The following PHF24 variants were observed in gnomAD, a reference collection of about 807,000 sequenced individuals.
PHF24 encodes the protein PHD finger protein 24, also known as Galpha inhibitory interacting protein.
In PHF24, 25 loss-of-function variants were observed where a neutral mutation model predicts 42.6. That is an observed-to-expected ratio of 0.59 (90% CI 0.43 to 0.82). The LOEUF (loss-of-function observed/expected upper bound fraction) is 0.82, where lower values mean the gene tolerates loss of function less well. PHF24 is among the 40% of genes least tolerant of loss of function. The pLI, the probability that PHF24 is intolerant of heterozygous loss-of-function variation, is 0.00. For missense variants in PHF24, 470 were observed against 538.1 expected (o/e 0.87, Z 1.25); for synonymous variants, 185 against 204.8 (o/e 0.90, Z 0.83).
the PHF24 span, among the ~76,000 whole-genome samples, chr9:34,875,714 A>G: frequency 6.6e-6 from 1 of 152,040 alleles, no homozygotes; most frequent in South Asian, 2.1e-4. Context: ...GCAGTGAAGG[A>G]TTGTGTTCAG....
chr9:34,981,734 TTC>T (rs1587487555), exon 8 of PHF24: 2 of 148,216 alleles, frequency 1.3e-5, no homozygotes, highest in South Asian at 4.2e-4. Flanking sequence ...AATTCCTATT[TTC>T]TTTTTTTTTT....
chr9:34,960,392 T>C (rs559257330), intron 1 of PHF24, among the ~76,000 whole-genome samples: 1 of 152,308 alleles, frequency 6.6e-6, no homozygotes, highest in South Asian at 2.1e-4. Flanking sequence ...TTTTTTTCTT[T>C]TAACTCAGTG....
chr9:34,901,617 G>T, the PHF24 span, among the ~76,000 whole-genome samples: 2 of 152,070 alleles, frequency 1.3e-5, no homozygotes, highest in African/African-American at 4.8e-5. Context: ...AAAAATAGGG[G>T]GTCGGGCGTG....
At chr9:34,707,346 C>T in the PHF24 span, among the ~76,000 whole-genome samples, 2 of 152,182 alleles carry the variant, frequency 1.3e-5, no homozygotes, top group East Asian at 3.8e-4. Context: ...TAGGAGGCCT[C>T]CCTTGGGCCT....
the PHF24 span, among the ~76,000 whole-genome samples, chr9:34,847,848 A>G: frequency 0.27 from 40,744 of 152,038 alleles, 6,802 homozygotes; most frequent in East Asian, 0.54. Context: ...TTCTGCATCT[A>G]TTGAGATAAT....
chr9:34,750,539 T>G, the PHF24 span, among the ~76,000 whole-genome samples: 7 of 135,348 alleles, frequency 5.2e-5, no homozygotes, highest in African/African-American at 1.6e-4. Context: ...AATAAATAAA[T>G]AAAGTGGGGG....
the PHF24 span, among the ~76,000 whole-genome samples, chr9:34,701,859 C>G: frequency 6.6e-6 from 1 of 152,136 alleles, no homozygotes; most frequent in Non-Finnish European, 1.5e-5. This position sits in a 1 kb window ranked among gnomAD's most constrained non-coding sequence, Gnocchi z 5.8. Flanking sequence ...TTTATCTTTC[C>G]CTCCCACGCC....
chr9:34,791,300 A>G, the PHF24 span, among the ~76,000 whole-genome samples: 1 of 152,220 alleles, frequency 6.6e-6, no homozygotes, highest in African/African-American at 2.4e-5. Flanking sequence ...AAGAGGGTCA[A>G]CGATGGCACC....
At chr9:34,936,018 T>G in the PHF24 span, among the ~76,000 whole-genome samples, 2 of 148,852 alleles carry the variant, frequency 1.3e-5, no homozygotes, top group African/African-American at 5.1e-5. Flanking sequence ...TGAGTCTCCC[T>G]CTCCCTCTCC....
the PHF24 span, among the ~76,000 whole-genome samples, chr9:34,734,464 A>G: frequency 3.9e-5 from 6 of 152,180 alleles, no homozygotes; most frequent in Admixed American, 6.5e-5. Flanking sequence ...GAAAAGGAAG[A>G]GCAGCTGCTG....
chr9:34,740,384 G>T, the PHF24 span, among the ~76,000 whole-genome samples: 3 of 152,254 alleles, frequency 2.0e-5, no homozygotes, highest in Non-Finnish European at 4.4e-5. Flanking sequence ...CTGCCCTGCG[G>T]GAAGGCAGCT....
At chr9:34,724,224 G>C in the PHF24 span, 1 of 1,551,486 alleles carries the variant, frequency 6.4e-7, no homozygotes, top group African/African-American at 1.4e-5. Context: ...CAAGGCATGT[G>C]GGCCTCTGTC....
At chr9:34,753,157 G>T in the PHF24 span, among the ~76,000 whole-genome samples, 1 of 152,076 alleles carries the variant, frequency 6.6e-6, no homozygotes, top group South Asian at 2.1e-4. Flanking sequence ...TGTACTGGAA[G>T]TCCTAGCTAC....
At chr9:34,972,236 G>C (rs932560310) in intron 2 of PHF24, 110 bp from the exon 3 acceptor site, 1 of 972,600 alleles carries the variant, frequency 1.0e-6, no homozygotes, top group Non-Finnish European at 1.5e-6. Flanking sequence ...TGTTCCTCTA[G>C]GCTAATCTGG....
chr9:34,873,688 G>A, the PHF24 span, among the ~76,000 whole-genome samples: 1 of 149,848 alleles, frequency 6.7e-6, no homozygotes, highest in Non-Finnish European at 1.5e-5. Context: ...GGTGGTGTGG[G>A]CTCTTTTTTG....
chr9:34,748,232 C>T, the PHF24 span, among the ~76,000 whole-genome samples: 1 of 152,138 alleles, frequency 6.6e-6, no homozygotes, highest in Non-Finnish European at 1.5e-5. Flanking sequence ...AAGATGTACA[C>T]TTGAGATTTG....
chr9:34,933,602 G>A, the PHF24 span, among the ~76,000 whole-genome samples: 1 of 151,420 alleles, frequency 6.6e-6, no homozygotes, highest in Non-Finnish European at 1.5e-5. Flanking sequence ...GTGGGCACCT[G>A]TAGTCCCAGC....
At chr9:34,767,056 C>T in the PHF24 span, among the ~76,000 whole-genome samples, 2 of 152,188 alleles carry the variant, frequency 1.3e-5, no homozygotes, top group Non-Finnish European at 2.9e-5. Flanking sequence ...GATCGTTCCT[C>T]TGGAAGTTTT....
the PHF24 span, among the ~76,000 whole-genome samples, chr9:34,762,237 GT>G: frequency 6.6e-6 from 1 of 151,046 alleles, no homozygotes; most frequent in African/African-American, 2.4e-5. Flanking sequence ...GGGTCAAATG[GT>G]ATTTCCAGTT....
Sources: allele counts gnomAD v4.1 joint callset (sites outside exome capture counted in the v4.1 genomes callset), GRCh38; gene constraint gnomAD v4.1.1; non-coding constraint Gnocchi (gnomAD v3.1); transcripts MANE v1.5; gene names NCBI Gene and HGNC (gene_info 2026-07-23, HGNC 2026-07-21).